PTPRN2: variants seen among roughly 807,000 people sequenced by gnomAD.
PTPRN2 encodes protein tyrosine phosphatase receptor type N2, also known as receptor-type tyrosine-protein phosphatase N2.
A neutral mutation model predicts 118.8 loss-of-function variants in PTPRN2; 74 were observed. The ratio of observed to expected loss-of-function variants is 0.62; its 90% CI spans 0.52 to 0.76. PTPRN2 has a LOEUF of 0.76. Among genes scored for constraint, PTPRN2 ranks in the 30% least tolerant of loss-of-function variants. The probability of loss-of-function intolerance (pLI) is 0.00; values close to 1 mark genes in which losing one functional copy is unlikely to be tolerated. For missense variants in PTPRN2, 1,481 were observed against 1,394.4 expected, an observed-to-expected ratio of 1.06 and a Z score of -0.99; for synonymous variants, 641 against 608.0, an observed-to-expected ratio of 1.05 and a Z score of -0.80.
At chr7:158,367,236 C>T (rs546630078) in intron 2 of PTPRN2, among the ~76,000 whole-genome samples, 3 of 152,276 alleles carry the variant, frequency 2.0e-5, no homozygotes, top group Non-Finnish European at 4.4e-5. Context: ...GGAAGTATGG[C>T]GGGGGCACAG....
At chr7:158,146,320 G>A (rs545774130) in intron 6 of PTPRN2, among the ~76,000 whole-genome samples, 1 of 152,100 alleles carries the variant, frequency 6.6e-6, no homozygotes, top group Non-Finnish European at 1.5e-5. Flanking sequence ...TCTCATTAAA[G>A]TCAAAGCCCA....
intron 9 of PTPRN2, among the ~76,000 whole-genome samples, chr7:158,113,013 G>A (rs530857106): frequency 6.6e-6 from 1 of 150,966 alleles, no homozygotes; most frequent in South Asian, 2.1e-4. Context: ...CCCCAGCATT[G>A]AGGGCCCCCC....
intron 12 of PTPRN2, among the ~76,000 whole-genome samples, chr7:157,758,196 G>A (rs1287680706): frequency 6.6e-6 from 1 of 152,242 alleles, no homozygotes; most frequent in Non-Finnish European, 1.5e-5. Flanking sequence ...GGCCGGTGTC[G>A]TAATTGACTG....
In PTPRN2 at chr7:157,808,364, T is replaced by C. The variant is rs1805767578; in HGVS notation, c.1788+90309A>G. Among the ~76,000 whole-genome samples the C allele has an allele frequency of 6.6e-6, 1 of 151,966 alleles. No individual in the cohort carries two copies. The highest frequency in any genetic ancestry group is 2.1e-4 in the South Asian group (1 of 4,812). ...TGGCGGGTGAGTGAGCGAGTGAAACTTTGTCGGTATTTATAGCCAGTCCCC... is the reference window on the plus strand; with the variant it reads ...TGGCGGGTGAGTGAGCGAGTGAAACCTTGTCGGTATTTATAGCCAGTCCCC... On this transcript the variant is annotated intron_variant, in intron 12 of 22. Transcript: ENST00000389418. The surrounding 1 kb of genome is among the most constrained non-coding windows in gnomAD (Gnocchi z 5.0).
At chr7:157,735,259 A>T (rs551124947) in intron 12 of PTPRN2, among the ~76,000 whole-genome samples, 2 of 152,360 alleles carry the variant, frequency 1.3e-5, no homozygotes, top group African/African-American at 2.4e-5. Flanking sequence ...TGGTGGGAAG[A>T]TCCATCGAAT....
chr7:157,911,422 C>T (rs975657128), intron 11 of PTPRN2, among the ~76,000 whole-genome samples: 6 of 152,196 alleles, frequency 3.9e-5, no homozygotes, highest in African/African-American at 1.2e-4. Context: ...ATGTGTATAA[C>T]GTTCAGTGTT....
intron 11 of PTPRN2, among the ~76,000 whole-genome samples, chr7:158,023,844 G>A (rs952356023): frequency 4.0e-5 from 6 of 150,614 alleles, no homozygotes; most frequent in South Asian, 2.1e-4. Flanking sequence ...GCACACACAC[G>A]TGCAGGCAAA....
In PTPRN2 at chr7:157,762,927, C is replaced by T. The variant is rs1802229432; in HGVS notation, c.1789-79990G>A. On this transcript the variant is annotated intron_variant, in intron 12 of 22. Transcript: ENST00000389418. ...CCGCCCCTGAAAAGCATGTTAGGCC[C>T]AGGTGCTGGTGCCGGAGGCTAACCC... Among the ~76,000 whole-genome samples the T allele has an allele frequency of 2.0e-5, 3 of 152,166 alleles. No individual in the cohort carries two copies. In the South Asian group the frequency reaches 6.2e-4, roughly 32 times the overall value.
At chr7:158,470,545 G>A (rs1465497326) in intron 2 of PTPRN2, among the ~76,000 whole-genome samples, 16 of 152,164 alleles carry the variant, frequency 1.1e-4, no homozygotes, top group Admixed American at 5.9e-4. Context: ...ACGACTCAGC[G>A]ACAACAGGAG....
At chr7:158,344,998 T>C (rs1301697656) in intron 2 of PTPRN2, among the ~76,000 whole-genome samples, 1 of 152,134 alleles carries the variant, frequency 6.6e-6, no homozygotes, top group African/African-American at 2.4e-5. Context: ...AGTTAGGCCA[T>C]GGAGGGAAAG....
At chr7:158,104,916 G>C (rs12698141) in intron 10 of PTPRN2, among the ~76,000 whole-genome samples, 387 of 47,998 alleles carry the variant, frequency 8.1e-3, no homozygotes, top group Middle Eastern at 0.024. Context: ...TCCATCCCAA[G>C]TCCACACAGC....
chr7:158,135,125 T>C (rs1252398632), intron 8 of PTPRN2, among the ~76,000 whole-genome samples: 1 of 152,214 alleles, frequency 6.6e-6, no homozygotes. Context: ...GCAGGGTTTT[T>C]TTCCAACCAT....
At chr7:157,811,499 A>C (rs1456806037) in intron 12 of PTPRN2, among the ~76,000 whole-genome samples, 1 of 152,034 alleles carries the variant, frequency 6.6e-6, no homozygotes, top group Non-Finnish European at 1.5e-5. Flanking sequence ...TTCTAAGCTT[A>C]AGGGCAGGAG....
intron 12 of PTPRN2, among the ~76,000 whole-genome samples, chr7:157,774,652 G>T (rs1026559850): frequency 6.6e-6 from 1 of 152,188 alleles, no homozygotes; most frequent in Non-Finnish European, 1.5e-5. Context: ...CTGTAACTGC[G>T]GTTAAGGGGT....
chr7:158,125,360 G>C (rs536388052), intron 9 of PTPRN2, among the ~76,000 whole-genome samples: 5 of 145,166 alleles, frequency 3.4e-5, no homozygotes, highest in African/African-American at 7.7e-5. Flanking sequence ...CCCCTGCCTC[G>C]CGTCCCTCCC....
chr7:157,938,172 G>A (rs773352105), intron 11 of PTPRN2, among the ~76,000 whole-genome samples: 2 of 152,234 alleles, frequency 1.3e-5, no homozygotes, highest in South Asian at 2.1e-4. Context: ...CCAAATGCAC[G>A]CACAGATTAC....
intron 6 of PTPRN2, among the ~76,000 whole-genome samples, chr7:158,139,999 C>T (rs947074745): frequency 1.5e-5 from 2 of 131,166 alleles, no homozygotes; most frequent in East Asian, 2.0e-4. Flanking sequence ...AAGAGAAACA[C>T]CACCACACAG....
chr7:157,662,826 T>C (rs537764279), intron 13 of PTPRN2, among the ~76,000 whole-genome samples: 1 of 152,170 alleles, frequency 6.6e-6, no homozygotes, highest in Non-Finnish European at 1.5e-5. Flanking sequence ...GGACATGGGA[T>C]GTACCCGATG....
At chr7:158,401,364 C>T (rs1276777336) in intron 2 of PTPRN2, among the ~76,000 whole-genome samples, 1 of 152,260 alleles carries the variant, frequency 6.6e-6, no homozygotes, top group Non-Finnish European at 1.5e-5. Context: ...AGCTCCTTCT[C>T]TGTGTTGCTG....
Sources: allele counts gnomAD v4.1 joint callset (sites outside exome capture counted in the v4.1 genomes callset), GRCh38; gene constraint gnomAD v4.1.1; non-coding constraint Gnocchi (gnomAD v3.1); transcripts MANE v1.5; gene names NCBI Gene and HGNC (gene_info 2026-07-23, HGNC 2026-07-21).